SEL1L2: variants seen among roughly 807,000 people sequenced by gnomAD.
The protein encoded by SEL1L2 is SEL1L2 adaptor subunit of SYVN1 ubiquitin ligase, also known as protein sel-1 homolog 2.
In SEL1L2, 89 loss-of-function variants were observed where a neutral mutation model predicts 98.8. The observed-to-expected ratio is 0.90, with a 90% confidence interval of 0.76 to 1.07. SEL1L2 has a LOEUF of 1.07. Among genes scored for constraint, SEL1L2 ranks in the 50% least tolerant of loss-of-function variants. The pLI is 0.00. For synonymous variants in SEL1L2, 262 were observed against 278.5 expected (o/e 0.94, Z 0.59); for missense variants, 788 against 812.0 (o/e 0.97, Z 0.36).
intron 14 of SEL1L2, 152 bp from the exon 15 acceptor site, chr20:13,867,002 A>G: frequency 1.4e-6 from 1 of 699,014 alleles, no homozygotes; most frequent in African/African-American, 1.9e-5. Context: ...CTATTTGTGA[A>G]GGTGGGGGTG....
chr20:13,949,706 C>A (rs6105195), intron 2 of SEL1L2, among the ~76,000 whole-genome samples: 95,639 of 132,124 alleles, frequency 0.72, 31,327 homozygotes, highest in East Asian at 0.83. Context: ...ACCAAACAAA[C>A]AAAAAAGAAC....
intron 1 of SEL1L2, among the ~76,000 whole-genome samples, chr20:13,982,785 G>A (rs2051903819): frequency 6.6e-6 from 1 of 151,312 alleles, no homozygotes; most frequent in South Asian, 2.1e-4. Flanking sequence ...CAGCACTTTG[G>A]GAGGCCAAGG....
intron 1 of SEL1L2, among the ~76,000 whole-genome samples, chr20:13,968,728 G>A (rs1370492136): frequency 6.6e-6 from 1 of 152,188 alleles, no homozygotes; most frequent in African/African-American, 2.4e-5. Context: ...TAACTGCAAG[G>A]CTTTCTGTGC....
At chr20:13,864,974 T>C (rs1413687969) in intron 17 of SEL1L2, among the ~76,000 whole-genome samples, 193 bp downstream of exon 17, 1 of 152,118 alleles carries the variant, frequency 6.6e-6, no homozygotes, top group African/African-American at 2.4e-5. Flanking sequence ...ACCTTGATAA[T>C]AATGGGGAAA....
At chr20:13,915,604 A>G (rs1049963402) in intron 4 of SEL1L2, among the ~76,000 whole-genome samples, 1 of 152,194 alleles carries the variant, frequency 6.6e-6, no homozygotes. Context: ...CCAGCATTTT[A>G]TACACAGTCT....
At chr20:13,938,072 T>C (rs1378953850) in intron 2 of SEL1L2, among the ~76,000 whole-genome samples, 1 of 147,196 alleles carries the variant, frequency 6.8e-6, no homozygotes, top group East Asian at 2.0e-4. Context: ...CCGTTTTTTC[T>C]TTTTTCTTTT....
chr20:13,880,584 A>G (rs1209623692), intron 10 of SEL1L2, among the ~76,000 whole-genome samples: 1 of 151,810 alleles, frequency 6.6e-6, no homozygotes, highest in Non-Finnish European at 1.5e-5. Context: ...GCTCTTGAAG[A>G]GTTAAGATCA....
At chr20:13,990,107 G>C (rs1448028001) in intron 1 of SEL1L2, among the ~76,000 whole-genome samples, 1 of 152,124 alleles carries the variant, frequency 6.6e-6, no homozygotes, top group Non-Finnish European at 1.5e-5. Context: ...CACACTCTTT[G>C]AGTCTTATAT....
chr20:13,992,233 G>A (rs575357810), upstream of SEL1L2, among the ~76,000 whole-genome samples: 2 of 152,126 alleles, frequency 1.3e-5, no homozygotes, highest in Non-Finnish European at 2.9e-5. Context: ...GCTGGGTGCC[G>A]TGGTTCATGC....
intron 1 of SEL1L2, among the ~76,000 whole-genome samples, chr20:13,969,465 AAT>A (rs946867300): frequency 6.6e-6 from 1 of 152,198 alleles, no homozygotes; most frequent in Non-Finnish European, 1.5e-5. Flanking sequence ...TATTCTCAGA[AAT>A]AAATGAGATC....
intron 1 of SEL1L2, among the ~76,000 whole-genome samples, chr20:13,968,840 T>C (rs759781112): frequency 5.9e-5 from 9 of 152,348 alleles, no homozygotes; most frequent in Middle Eastern, 3.4e-3. Context: ...ACATTAAATG[T>C]ATTAGCTTGA....
At position 13,990,588 on chromosome 20, in the gene SEL1L2, G is replaced by C; in HGVS notation, c.-54C>G. 1 of 1,380,804 alleles carries C rather than the reference G, an allele frequency of 7.2e-7. No homozygotes were observed. Among genetic ancestry groups the C allele is most frequent in the South Asian group, 1.2e-5 (1 of 84,078 alleles). The allele number at this position is 1,380,804 out of a possible 1,614,324, so 85.5% of individuals were successfully genotyped here. A position where few individuals can be genotyped will look rare whatever the true frequency, so the allele number is the denominator to read the frequency against. ...AACACAGGCAGAAACTAGGTGATTG[G>C]CCCAAGAGCTCCTCTTCTCAGGGAC... On this transcript the variant is annotated 5_prime_UTR_variant, in exon 1 of 20. Transcript: ENST00000284951.
chr20:13,880,919 T>C (rs1482770073), intron 10 of SEL1L2, among the ~76,000 whole-genome samples: 1 of 152,218 alleles, frequency 6.6e-6, no homozygotes, highest in Non-Finnish European at 1.5e-5. Context: ...TGATTTTTCA[T>C]TGGCTCTAAG....
intron 3 of SEL1L2, among the ~76,000 whole-genome samples, chr20:13,923,975 T>C (rs945865983): frequency 6.6e-6 from 1 of 152,212 alleles, no homozygotes; most frequent in African/African-American, 2.4e-5. Context: ...TTTTCATTTT[T>C]ATATTTTGAG....
chr20:13,849,394 G>T lies in SEL1L2; in HGVS notation c.*91C>A. 6.7e-7 allele frequency: 1 copy of T among 1,499,334 alleles called. No homozygotes were observed. The highest frequency in any genetic ancestry group is 9.1e-7 in the Non-Finnish European group (1 of 1,095,980). The allele number at this position is 1,499,334 out of a possible 1,614,324, so 92.9% of individuals were successfully genotyped here. On this transcript the variant is annotated 3_prime_UTR_variant, in exon 20 of 20. Coordinates refer to ENST00000284951, the MANE Select transcript of SEL1L2 (RefSeq NM_025229.2). ...CAGCCCTGAGCGGGAAACTGCAGCG[G>T]ACTCTTGATTTGGATGGGAAACTGT...
upstream of SEL1L2, among the ~76,000 whole-genome samples, chr20:13,991,269 C>T (rs1399564160): frequency 1.3e-5 from 2 of 152,212 alleles, no homozygotes; most frequent in African/African-American, 4.8e-5. Flanking sequence ...CCAACTTTTA[C>T]AGTCTGTCCA....
At chr20:13,911,536 T>C (rs1031812730) in intron 5 of SEL1L2, among the ~76,000 whole-genome samples, 5 of 152,212 alleles carry the variant, frequency 3.3e-5, no homozygotes. Flanking sequence ...TTAGCAGCTC[T>C]CATATTTTAT....
intron 12 of SEL1L2, 55 bp downstream of exon 12, chr20:13,875,983 G>C: frequency 7.5e-7 from 1 of 1,337,886 alleles, no homozygotes; most frequent in Non-Finnish European, 1.1e-6. Flanking sequence ...ACCAGTCTGC[G>C]TGTAATAAAA....
chr20:13,968,829 G>A (rs992573819), intron 1 of SEL1L2, among the ~76,000 whole-genome samples: 1 of 152,172 alleles, frequency 6.6e-6, no homozygotes. Flanking sequence ...ACAATAGCTC[G>A]ACATTAAATG....
Sources: allele counts gnomAD v4.1 joint callset (sites outside exome capture counted in the v4.1 genomes callset), GRCh38; gene constraint gnomAD v4.1.1; transcripts MANE v1.5; gene names NCBI Gene and HGNC (gene_info 2026-07-23, HGNC 2026-07-21).